The following FMNL2 variants were observed in gnomAD, a reference collection of about 807,000 sequenced individuals.
FMNL2 encodes formin like 2, also known as formin-like protein 2.
A neutral mutation model predicts 130.2 loss-of-function variants in FMNL2; 51 were observed. The observed-to-expected ratio is 0.39, with a 90% CI of 0.31 to 0.49. FMNL2 has a LOEUF of 0.49. FMNL2 is among the 20% of genes least tolerant of loss of function. The pLI, the probability that FMNL2 is intolerant of heterozygous loss-of-function variation, is 0.85. For missense variants in FMNL2, 977 were observed against 1,316.2 expected (o/e 0.74, Z 3.99); for synonymous variants, 465 against 467.1 (o/e 1.00, Z 0.06).
At chr2:152,454,296 G>GT (rs1043987581) in intron 1 of FMNL2, among the ~76,000 whole-genome samples, 1 of 152,044 alleles carries the variant, frequency 6.6e-6, no homozygotes, top group African/African-American at 2.4e-5. Flanking sequence ...AAAAAAGTGG[G>GT]TTTTTTCTTT....
intron 1 of FMNL2, among the ~76,000 whole-genome samples, chr2:152,436,127 T>A (rs1186091265): frequency 6.6e-6 from 1 of 152,036 alleles, no homozygotes; most frequent in African/African-American, 2.4e-5. Flanking sequence ...GCTTGATAAG[T>A]TCAGGCCTTT....
intron 1 of FMNL2, among the ~76,000 whole-genome samples, chr2:152,520,195 G>A (rs1693005184): frequency 6.6e-6 from 1 of 152,116 alleles, no homozygotes; most frequent in African/African-American, 2.4e-5. Context: ...TCCCATATTA[G>A]ATGTTTCTAT....
intron 1 of FMNL2, among the ~76,000 whole-genome samples, chr2:152,463,322 C>A (rs1310820406): frequency 1.3e-5 from 2 of 152,150 alleles, no homozygotes; most frequent in East Asian, 3.9e-4. Flanking sequence ...CACAACAGCC[C>A]TGGGAGATAG....
At chr2:152,385,747 A>G (rs1007121389) in intron 1 of FMNL2, among the ~76,000 whole-genome samples, 1 of 152,362 alleles carries the variant, frequency 6.6e-6, no homozygotes, top group South Asian at 2.1e-4. Context: ...TTTTAGTCAC[A>G]TGCTTTGTGG....
rs938152668 is a variant in FMNL2, at chr2:152,611,895, G to C, written c.1062+290G>C. ...TTCCTCTCCTTTTGAGCTTCATCTG[G>C]GTCAAGTCTCATTGCATCCTTCATC... On this transcript the variant is annotated intron_variant, in intron 11 of 25. Coordinates refer to ENST00000288670, the MANE Select transcript of FMNL2 (RefSeq NM_052905.4). 1.5e-4 allele frequency among the ~76,000 whole-genome samples: 23 copies of C among 152,082 alleles called. 1 individual carries two copies. The highest frequency in any genetic ancestry group is 1.5e-3 in the Admixed American group (23 of 15,270).
chr2:152,593,875 G>C (rs1697592936), intron 9 of FMNL2, among the ~76,000 whole-genome samples: 1 of 97,544 alleles, frequency 1.0e-5, no homozygotes, highest in Non-Finnish European at 2.2e-5. Flanking sequence ...GTGTGTGTGT[G>C]TGTGTGTGTG....
At chr2:152,488,942 G>A (rs1258497415) in intron 1 of FMNL2, among the ~76,000 whole-genome samples, 2 of 152,106 alleles carry the variant, frequency 1.3e-5, no homozygotes, top group African/African-American at 4.8e-5. Flanking sequence ...GTGGTAGCAT[G>A]TGCCTACAGT....
Position 152,640,813 on chromosome 2 carries a change from G to A in FMNL2, c.3068G>A (p.Arg1023Lys). ...DPKSPSHKSK[R>K]QQQELIAELR... ...CAGTCTCCTTCTCATAAATCAAAGA[G>A]GCAGCAGCAAGAGTTAATTGCAGAA... The change falls in exon 25 of 26, where the codon AGG becomes AAG. Residue 1023 changes from arginine (R) to lysine (K), a missense_variant. Around this residue, in one of 4 missense-constraint regions of FMNL2, gnomAD observed 168 missense variants for 168.8 expected, o/e 1.00. Coordinates refer to ENST00000288670, the MANE Select transcript of FMNL2 (RefSeq NM_052905.4). The A allele has an allele frequency of 1.2e-6, 2 of 1,613,468 alleles. No homozygotes were observed. Among genetic ancestry groups the A allele is most frequent in the Non-Finnish European group, 1.7e-6 (2 of 1,179,684 alleles).
chr2:152,564,157 GTTGT>G (rs562610117), intron 6 of FMNL2, among the ~76,000 whole-genome samples: 2 of 73,756 alleles, frequency 2.7e-5, no homozygotes, highest in Non-Finnish European at 5.8e-5. Context: ...AATAGCACAG[GTTGT>G]TTTTTTTTTT....
intron 25 of FMNL2, among the ~76,000 whole-genome samples, chr2:152,642,725 G>A (rs538606138): frequency 2.3e-4 from 35 of 152,330 alleles, no homozygotes; most frequent in African/African-American, 7.9e-4. Context: ...TGGAGTTCCT[G>A]GCTGGGCGAG....
chr2:152,515,248 C>T (rs1429080263), intron 1 of FMNL2, among the ~76,000 whole-genome samples: 1 of 152,064 alleles, frequency 6.6e-6, no homozygotes, highest in East Asian at 1.9e-4. Context: ...TGACATGCTC[C>T]GTTTTATATT....
chr2:152,589,086 T>C (rs1697241326), intron 9 of FMNL2, among the ~76,000 whole-genome samples: 1 of 141,982 alleles, frequency 7.0e-6, no homozygotes, highest in African/African-American at 2.8e-5. Flanking sequence ...CTGCCCTTTT[T>C]TGGTGGTCCT....
chr2:152,604,276 ACT>A lies in FMNL2; in HGVS notation c.877-3057_877-3056del, dbSNP rs753175270. Among the ~76,000 whole-genome samples the A allele has an allele frequency of 1.8e-3, 278 of 150,936 alleles. 8 individuals carry two copies. Among genetic ancestry groups the A allele is most frequent in the Non-Finnish European group, 2.0e-3 (136 of 67,702 alleles). ...ACCTGGTTCTAGCCTTGGTTCTGCC[ACT>A]CTCTCAACCTTTCATCAGGTTAGAG... is the stretch of plus-strand genomic sequence containing the variant. On this transcript the variant is annotated intron_variant, in intron 9 of 25. Transcript: ENST00000288670.
intron 1 of FMNL2, among the ~76,000 whole-genome samples, chr2:152,498,065 G>A (rs1419223501): frequency 6.6e-6 from 1 of 152,072 alleles, no homozygotes; most frequent in African/African-American, 2.4e-5. Flanking sequence ...ACTTCTTAAG[G>A]TCAGACCCAC....
intron 1 of FMNL2, among the ~76,000 whole-genome samples, chr2:152,352,395 T>C (rs1682545589): frequency 1.3e-5 from 2 of 152,208 alleles, no homozygotes; most frequent in Admixed American, 1.3e-4. Context: ...GAACACATAT[T>C]TCTAGTAGGT....
intron 1 of FMNL2, among the ~76,000 whole-genome samples, chr2:152,518,273 G>T (rs1393428082): frequency 3.9e-5 from 6 of 152,188 alleles, no homozygotes; most frequent in African/African-American, 1.2e-4. Flanking sequence ...GAATTATTAA[G>T]CTGTACAATG....
chr2:152,479,163 G>T (rs1005188078), intron 1 of FMNL2, among the ~76,000 whole-genome samples: 1 of 151,998 alleles, frequency 6.6e-6, no homozygotes, highest in African/African-American at 2.4e-5. Flanking sequence ...TCACTCTGTT[G>T]CCCAGGCTCG....
At chr2:152,340,632 C>T (rs547855839) in intron 1 of FMNL2, among the ~76,000 whole-genome samples, 2 of 152,290 alleles carry the variant, frequency 1.3e-5, no homozygotes, top group East Asian at 1.9e-4. Context: ...GTCAGTGCAA[C>T]GCATATACTC....
At chr2:152,537,586 T>C (rs1694063112) in intron 2 of FMNL2, among the ~76,000 whole-genome samples, 1 of 152,232 alleles carries the variant, frequency 6.6e-6, no homozygotes, top group African/African-American at 2.4e-5. Flanking sequence ...TTATAGTCTC[T>C]TTGTTTACTT....
Sources: allele counts gnomAD v4.1 joint callset (sites outside exome capture counted in the v4.1 genomes callset), GRCh38; gene constraint gnomAD v4.1.1; regional missense constraint gnomAD v4.1.1; transcripts MANE v1.5; gene names NCBI Gene and HGNC (gene_info 2026-07-23, HGNC 2026-07-21).